The following NRXN1 variants were observed in gnomAD, a reference collection of about 807,000 sequenced individuals.
NRXN1 encodes the protein neurexin-1.
A neutral mutation model predicts 150.9 loss-of-function variants in NRXN1; 39 were observed. The ratio of observed to expected loss-of-function variants is 0.26; its 90% CI spans 0.20 to 0.34. The LOEUF (loss-of-function observed/expected upper bound fraction) is 0.34. Ranked by LOEUF, NRXN1 falls within the 10% of genes least tolerant of loss-of-function variation. NRXN1 has a pLI of 1.00. For synonymous variants in NRXN1, 924 were observed against 757.0 expected, an observed-to-expected ratio of 1.22 and a Z score of -3.62; for missense variants, 1,815 against 1,949.9, an observed-to-expected ratio of 0.93 and a Z score of 1.30.
At chr2:49,927,847 C>A (rs1304213508) in intron 22 of NRXN1, among the ~76,000 whole-genome samples, 1 of 152,098 alleles carries the variant, frequency 6.6e-6, no homozygotes, top group African/African-American at 2.4e-5. Flanking sequence ...CTTGAATGAG[C>A]TGTTCTTCCA....
chr2:51,002,775 G>A (rs553504621), intron 2 of NRXN1, among the ~76,000 whole-genome samples: 2 of 152,014 alleles, frequency 1.3e-5, no homozygotes, highest in South Asian at 4.2e-4. Flanking sequence ...TTATATGGTG[G>A]CTGTGTTCTT....
chr2:50,512,954 A>T (rs890362206), intron 12 of NRXN1, among the ~76,000 whole-genome samples: 2 of 151,984 alleles, frequency 1.3e-5, no homozygotes, highest in Non-Finnish European at 2.9e-5. Flanking sequence ...TTCAGGGGAG[A>T]TCTGCATGCA....
intron 2 of NRXN1, among the ~76,000 whole-genome samples, chr2:50,971,348 G>T (rs750040290): frequency 5.9e-5 from 9 of 152,090 alleles, no homozygotes; most frequent in Non-Finnish European, 1.3e-4. Context: ...ACTTTGGGAG[G>T]CCACAGTGGG....
intron 18 of NRXN1, among the ~76,000 whole-genome samples, chr2:50,162,900 C>T (rs1053938965): frequency 6.6e-6 from 1 of 151,848 alleles, no homozygotes; most frequent in Non-Finnish European, 1.5e-5. Flanking sequence ...TATACTCTCT[C>T]TTGTTAAAAA....
rs372738223 is a variant in NRXN1 at position 50,993,609 on chromosome 2, C to G, written c.772+33893G>C. Among the ~76,000 whole-genome samples the G allele has an allele frequency of 2.9e-4, 44 of 151,976 alleles. 1 individual carries two copies. Among genetic ancestry groups the G allele is most frequent in the African/African-American group, 1.0e-3 (43 of 41,516 alleles). ...TTTGTCAGCCCCACTTTAAAAGTTG[C>G]GAGGACACCAACAGCTCATGCTAAA... On this transcript the variant is annotated intron_variant, in intron 2 of 22. Transcript: ENST00000401669.
At chr2:50,295,944 A>T (rs964350310) in intron 17 of NRXN1, among the ~76,000 whole-genome samples, 4 of 152,212 alleles carry the variant, frequency 2.6e-5, no homozygotes, top group African/African-American at 9.6e-5. Context: ...AATTCACCCT[A>T]AAGTTTTTTG....
In NRXN1 at chr2:50,465,429, G is replaced by C; in HGVS notation, c.3364+13C>G. On this transcript the variant is annotated intron_variant, in intron 17 of 22. Coordinates refer to ENST00000401669, the MANE Select transcript of NRXN1 (RefSeq NM_001330078.2). ...AACGATGAGTATCAGTCCATACTCA[G>C]AGAGGTACTTACGGTCATTGCAGAG... 6.2e-7 allele frequency: 1 copy of C among 1,603,002 alleles called. No individual in the cohort carries two copies. The highest frequency in any genetic ancestry group is 8.5e-7 in the Non-Finnish European group (1 of 1,173,926).
At chr2:50,124,418 A>G (rs891139591) in intron 18 of NRXN1, among the ~76,000 whole-genome samples, 3 of 152,246 alleles carry the variant, frequency 2.0e-5, no homozygotes, top group African/African-American at 7.2e-5. Flanking sequence ...ATCACATACG[A>G]TATTTCATTA....
chr2:50,740,066 T>C (rs1559193675), intron 5 of NRXN1, among the ~76,000 whole-genome samples: 1 of 152,212 alleles, frequency 6.6e-6, no homozygotes, highest in Non-Finnish European at 1.5e-5. Context: ...TTTCTCATTT[T>C]ATTTTGTTTT....
intron 2 of NRXN1, among the ~76,000 whole-genome samples, chr2:51,025,570 C>T (rs1428383510): frequency 6.6e-6 from 1 of 152,054 alleles, no homozygotes; most frequent in Non-Finnish European, 1.5e-5. Flanking sequence ...TTTCATGGGT[C>T]CTTCATTAAA....
At chr2:50,275,743 G>A (rs1160507940) in intron 17 of NRXN1, among the ~76,000 whole-genome samples, 1 of 152,078 alleles carries the variant, frequency 6.6e-6, no homozygotes, top group East Asian at 1.9e-4. Context: ...TTAGGTAAAT[G>A]TGGAAACTTT....
intron 3 of NRXN1, among the ~76,000 whole-genome samples, chr2:50,925,110 T>C (rs1039455794): frequency 6.6e-6 from 1 of 151,846 alleles, no homozygotes; most frequent in African/African-American, 2.4e-5. Flanking sequence ...ATAGAACATA[T>C]ATAATTTGAT....
chr2:50,185,154 G>A (rs531027564), intron 18 of NRXN1, among the ~76,000 whole-genome samples: 1 of 152,114 alleles, frequency 6.6e-6, no homozygotes, highest in African/African-American at 2.4e-5. Context: ...CCATGGAGAT[G>A]CTTTGTTCAG....
At chr2:50,688,618 A>G (rs976470226) in intron 5 of NRXN1, among the ~76,000 whole-genome samples, 1 of 152,202 alleles carries the variant, frequency 6.6e-6, no homozygotes, top group Admixed American at 6.5e-5. Flanking sequence ...GTTCTAACAA[A>G]GATGAAAGCA....
At chr2:50,411,157 C>T (rs969982633) in intron 17 of NRXN1, among the ~76,000 whole-genome samples, 62 of 151,956 alleles carry the variant, frequency 4.1e-4, no homozygotes, top group Admixed American at 3.3e-4. Flanking sequence ...CTGCCCAGTG[C>T]CTGGGATTGC....
intron 17 of NRXN1, among the ~76,000 whole-genome samples, chr2:50,283,384 G>A (rs1202855664): frequency 6.6e-6 from 1 of 152,110 alleles, no homozygotes; most frequent in East Asian, 1.9e-4. Context: ...GAAATAATGA[G>A]GAGTTCTTTA....
intron 8 of NRXN1, among the ~76,000 whole-genome samples, chr2:50,586,188 T>TCTACCCAGAACGTTCTTC (rs1673068854): frequency 6.6e-6 from 1 of 152,186 alleles, no homozygotes; most frequent in East Asian, 1.9e-4. Context: ...TGCTGTTCTT[T>TCTACCCAGAACGTTCTTC]CTACCCAGAA....
chr2:50,249,451 A>G (rs1046740388), intron 17 of NRXN1, among the ~76,000 whole-genome samples: 3 of 152,144 alleles, frequency 2.0e-5, no homozygotes, highest in Admixed American at 2.0e-4. Flanking sequence ...GAGACAGAAT[A>G]CAAAGGCAAT....
intron 17 of NRXN1, among the ~76,000 whole-genome samples, chr2:50,401,468 G>A (rs982985814): frequency 1.3e-5 from 2 of 152,078 alleles, no homozygotes; most frequent in African/African-American, 4.8e-5. Context: ...TGAGAGCGGG[G>A]AGGGAGAGGG....
Sources: allele counts gnomAD v4.1 joint callset (sites outside exome capture counted in the v4.1 genomes callset), GRCh38; gene constraint gnomAD v4.1.1; transcripts MANE v1.5; gene names NCBI Gene and HGNC (gene_info 2026-07-23, HGNC 2026-07-21).